Variants in TMED3 observed in about 807,000 individuals in gnomAD.
The protein encoded by TMED3 is transmembrane emp24 domain-containing protein 3.
A neutral mutation model predicts 15.0 loss-of-function variants in TMED3; 9 were observed. The ratio of observed to expected loss-of-function variants is 0.60; its 90% CI spans 0.36 to 1.04. TMED3 has a LOEUF of 1.04. TMED3 is among the 50% of genes least tolerant of loss of function. TMED3 has a pLI of 0.01. For missense variants in TMED3, 267 were observed against 278.9 expected (o/e 0.96, Z 0.30); for synonymous variants, 117 against 121.4 (o/e 0.96, Z 0.24).
chr15:79,363,503 C>CAAAAAAAAAAAAAAAAAAAAAAAAAAAA, intron 2 of TMED3, among the ~76,000 whole-genome samples: 1 of 125,334 alleles, frequency 8.0e-6, no homozygotes, highest in Non-Finnish European at 1.7e-5. Flanking sequence ...TACAATGACT[C>CAAAAAAAAAAAAAAAAAAAAAAAAAAAA]AAAAAAAAAA....
intron 2 of TMED3, among the ~76,000 whole-genome samples, chr15:79,410,645 T>C (rs1893964780): frequency 6.6e-6 from 1 of 151,958 alleles, no homozygotes; most frequent in Non-Finnish European, 1.5e-5. Flanking sequence ...AGCTTTAAAT[T>C]GTGGAAAAAA....
intron 2 of TMED3, among the ~76,000 whole-genome samples, chr15:79,353,031 TTA>T (rs1323166912): frequency 1.2e-4 from 12 of 99,026 alleles, no homozygotes; most frequent in East Asian, 2.5e-4. Context: ...TATATATATT[TTA>T]TATATATTAT....
intron 2 of TMED3, among the ~76,000 whole-genome samples, chr15:79,354,005 C>G (rs888694476): frequency 3.9e-5 from 6 of 152,244 alleles, no homozygotes; most frequent in Non-Finnish European, 5.9e-5. Context: ...TGAAATGCAA[C>G]AGATTGTGGA....
chr15:79,353,168 T>TAAA (rs1483499361), intron 2 of TMED3, among the ~76,000 whole-genome samples: 14,603 of 67,242 alleles, frequency 0.22, 2,098 homozygotes, highest in African/African-American at 0.27. Context: ...TATAAATATA[T>TAAA]ATACATAATA....
intron 1 of TMED3, among the ~76,000 whole-genome samples, chr15:79,313,043 C>T (rs1196024801): frequency 1.3e-5 from 2 of 152,116 alleles, no homozygotes; most frequent in Non-Finnish European, 1.5e-5. Flanking sequence ...TGTTGGACAC[C>T]GTGCTAAACA....
intron 2 of TMED3, among the ~76,000 whole-genome samples, chr15:79,317,009 C>G (rs1303464803): frequency 6.6e-6 from 1 of 151,970 alleles, no homozygotes; most frequent in Non-Finnish European, 1.5e-5. Flanking sequence ...AGCTGTGATT[C>G]TTGGGGATGA....
intron 2 of TMED3, among the ~76,000 whole-genome samples, chr15:79,355,683 C>G (rs1280156029): frequency 6.6e-6 from 1 of 152,146 alleles, no homozygotes; most frequent in Non-Finnish European, 1.5e-5. Flanking sequence ...CAGTCCTCAC[C>G]CCTTGGATCA....
chr15:79,340,358 G>A (rs533257713), intron 2 of TMED3, among the ~76,000 whole-genome samples: 1 of 152,152 alleles, frequency 6.6e-6, no homozygotes, highest in Non-Finnish European at 1.5e-5. Context: ...ACATATCACA[G>A]AGTGTCATGG....
rs941365819 is a variant in TMED3, at chr15:79,322,579, A to G, written c.*365A>G. The G allele has an allele frequency of 5.7e-6, 6 of 1,056,876 alleles. No homozygotes were observed. The African/African-American group carries it at 6.7e-5, about 12-fold the overall frequency. 65.5% of individuals were successfully genotyped at this position (1,056,876 alleles called of 1,614,324 possible). ...GGGCCCTGCCTCTGTTTCATGATGCATGGGTCATTTGTCTTGGGTGTCCTA... is the reference window on the plus strand; with the variant it reads ...GGGCCCTGCCTCTGTTTCATGATGCGTGGGTCATTTGTCTTGGGTGTCCTA... On this transcript the variant is annotated 3_prime_UTR_variant, in exon 3 of 3. Coordinates refer to ENST00000299705, the MANE Select transcript of TMED3 (RefSeq NM_007364.4).
chr15:79,340,661 T>C (rs2058848403), intron 2 of TMED3, among the ~76,000 whole-genome samples: 1 of 152,250 alleles, frequency 6.6e-6, no homozygotes, highest in Non-Finnish European at 1.5e-5. Flanking sequence ...AGGTTATTTT[T>C]CCGGCATTTT....
In TMED3 at chr15:79,371,950, C is replaced by T. The variant is rs553195422; in HGVS notation, c.418-39450C>T. Among the ~76,000 whole-genome samples the T allele has an allele frequency of 8.5e-5, 13 of 152,268 alleles. 1 individual carries two copies. The highest frequency in any genetic ancestry group is 2.1e-4 in the South Asian group (1 of 4,818). ...ATTCTACCTTTTCTTGTGAATGTGG[C>T]GTCAATCTCTGAACAAGAAGGGGTA... On this transcript the variant is annotated intron_variant, in intron 2 of 2. Coordinates refer to the TMED3 transcript ENST00000424155.
chr15:79,343,421 G>A (rs1251269676), intron 2 of TMED3, among the ~76,000 whole-genome samples: 1 of 152,096 alleles, frequency 6.6e-6, no homozygotes, highest in African/African-American at 2.4e-5. Context: ...ATCTGTCTTC[G>A]CTCAGCATAA....
At chr15:79,350,575 G>C (rs1412765692) in intron 2 of TMED3, among the ~76,000 whole-genome samples, 1 of 152,150 alleles carries the variant, frequency 6.6e-6, no homozygotes, top group Non-Finnish European at 1.5e-5. Flanking sequence ...ACCTTCTTCT[G>C]TCTGCTTTAT....
At chr15:79,411,007 A>G (rs1893971502) in intron 2 of TMED3, among the ~76,000 whole-genome samples, 1 of 152,232 alleles carries the variant, frequency 6.6e-6, no homozygotes, top group Admixed American at 6.5e-5. Context: ...AGAACAAGAA[A>G]CATGCTGGTT....
intron 2 of TMED3, among the ~76,000 whole-genome samples, chr15:79,344,701 A>C (rs1487376430): frequency 6.6e-6 from 1 of 152,186 alleles, no homozygotes; most frequent in African/African-American, 2.4e-5. Context: ...GGGGAACCTC[A>C]TTCAACCCAG....
chr15:79,328,644 A>T (rs1434682836), intron 2 of TMED3, among the ~76,000 whole-genome samples: 2 of 152,166 alleles, frequency 1.3e-5, no homozygotes, highest in Non-Finnish European at 2.9e-5. Context: ...CAAAGACCCC[A>T]TGTCACCTTC....
At chr15:79,359,614 G>A (rs12438696) in intron 2 of TMED3, among the ~76,000 whole-genome samples, 17,377 of 151,858 alleles carry the variant, frequency 0.11, 1,349 homozygotes, top group East Asian at 0.4. Context: ...AAGGGTAAGG[G>A]GAAAAAAAGA....
intron 2 of TMED3, among the ~76,000 whole-genome samples, chr15:79,388,494 C>T (rs888926380): frequency 4.0e-5 from 6 of 151,770 alleles, no homozygotes; most frequent in South Asian, 2.1e-4. Context: ...TTTATCCACT[C>T]GTTGATTGAT....
At chr15:79,352,906 TATA>T (rs1202618322) in intron 2 of TMED3, among the ~76,000 whole-genome samples, 3 of 102,970 alleles carry the variant, frequency 2.9e-5, no homozygotes, top group East Asian at 2.9e-4. Context: ...AAAATATACA[TATA>T]ATATATATAA....
Sources: allele counts gnomAD v4.1 joint callset (sites outside exome capture counted in the v4.1 genomes callset), GRCh38; gene constraint gnomAD v4.1.1; transcripts MANE v1.5; gene names NCBI Gene and HGNC (gene_info 2026-07-23, HGNC 2026-07-21).